NBEAL1: variants seen among roughly 807,000 people sequenced by gnomAD.
The protein encoded by NBEAL1 is neurobeachin like 1.
NBEAL1 carries 273 observed loss-of-function variants against 351.3 expected under a neutral mutation model. The observed-to-expected ratio is 0.78, with a 90% CI of 0.70 to 0.86. The LOEUF (loss-of-function observed/expected upper bound fraction) is 0.86, where lower values mean the gene tolerates loss of function less well. NBEAL1 is among the 40% of genes least tolerant of loss of function. The pLI is 0.00. For synonymous variants in NBEAL1, 1,050 were observed against 1,086.4 expected (o/e 0.97, Z 0.66); for missense variants, 2,961 against 3,201.3 (o/e 0.92, Z 1.81).
Position 203,113,019 on chromosome 2 carries a change from T to G in NBEAL1, c.2207T>G (p.Phe736Cys). The G allele has an allele frequency of 6.8e-7, 1 of 1,459,896 alleles. No homozygotes were observed. The highest frequency in any genetic ancestry group is 2.6e-5 in the East Asian group (1 of 38,532). 90.4% of individuals were successfully genotyped at this position (1,459,896 alleles called of 1,614,324 possible). ...PLRFPAMNEPFTSCCIGSAGQ... is the reference protein window; with the variant it reads ...PLRFPAMNEPCTSCCIGSAGQ... The stretch of plus-strand genomic sequence containing the variant: ...AATTTGTTTGTTTGTTTTTAGCCCT[T>G]TACTTCCTGTTGCATTGGTTCAGCT... Residue 736 changes from phenylalanine to cysteine, a missense_variant, in exon 17 of 56, where the codon TTT (phenylalanine) becomes TGT (cysteine). Physicochemically the swap from Phe to Cys is radical, Grantham distance 205 (BLOSUM62 -2). Transcript: ENST00000683969.
Position 203,136,031 on chromosome 2 carries a change from G to C in NBEAL1, c.4168G>C (p.Glu1390Gln). 7 of 1,613,598 alleles carry C rather than the reference G, an allele frequency of 4.3e-6. No homozygotes were observed. The highest frequency in any genetic ancestry group is 5.9e-6 in the Non-Finnish European group (7 of 1,179,786). The change falls in exon 28 of 56, where the codon GAG becomes CAG. Residue 1390 changes from glutamate to glutamine, a missense_variant. By Grantham distance (29) the Glu-to-Gln change is conservative (BLOSUM62 2). Transcript: ENST00000683969. ...ATTGTCTTTCAAATCAGAGAATCAA[G>C]AGGAATTCTGGCATAGTAACCCTTC... is the stretch of plus-strand genomic sequence containing the variant. ...GELSFKSENQ[E>Q]EFWHSNPSHL... is the part of the protein sequence containing the mutation.
Position 203,160,038 on chromosome 2 carries a change from A to G in NBEAL1, c.5714+2213A>G, listed in dbSNP as rs190658311. 7.4e-3 allele frequency among the ~76,000 whole-genome samples: 1,085 copies of G among 145,928 alleles called. 12 individuals are homozygous for G. The highest frequency in any genetic ancestry group is 0.012 in the Non-Finnish European group (801 of 67,022). ...GCTTGTTTGCCATTAATATATATCT[A>G]CTTTGGAGACTATATATGCAAATCA... is the stretch of plus-strand genomic sequence containing the variant. On this transcript the variant is annotated intron_variant, in intron 36 of 55. Transcript: ENST00000683969.
At chr2:203,138,410 T>A in intron 30 of NBEAL1, 95 bp downstream of exon 30, 1 of 1,186,254 alleles carries the variant, frequency 8.4e-7, no homozygotes, top group Non-Finnish European at 1.2e-6. Context: ...CGTTAATGCT[T>A]AATCAGATTC....
At chr2:203,063,659 A>C (rs1458055733) in intron 6 of NBEAL1, among the ~76,000 whole-genome samples, 2 of 152,204 alleles carry the variant, frequency 1.3e-5, no homozygotes, top group Non-Finnish European at 2.9e-5. Context: ...ATACTTATTG[A>C]GTTTCTACTT....
intron 46 of NBEAL1, 146 bp downstream of exon 46, chr2:203,190,535 T>A: frequency 1.4e-6 from 1 of 736,096 alleles, no homozygotes; most frequent in Admixed American, 2.8e-5. Flanking sequence ...AGTCTTATAT[T>A]ATTTCCAAGA....
chr2:203,180,384 T>G lies in NBEAL1; in HGVS notation c.6467T>G (p.Phe2156Cys), dbSNP rs2064670620. Reference protein sequence around the residue: ...TLHIQLQSGRFDCADRQFHSI... With the variant: ...TLHIQLQSGRCDCADRQFHSI... ...TCTCTTTTAATTTCTACATGCAGGT[T>G]TGACTGTGCAGATCGACAGTTCCAT... Residue 2156 changes from phenylalanine (F) to cysteine (C), a missense_variant and splice_region_variant, in exon 43 of 56, where the codon TTT becomes TGT. Coordinates refer to ENST00000683969, the MANE Select transcript of NBEAL1 (RefSeq NM_001378026.1). 1 of 1,605,418 alleles carries G rather than the reference T, an allele frequency of 6.2e-7. No homozygotes were observed. Among genetic ancestry groups the G allele is most frequent in the African/African-American group, 1.3e-5 (1 of 74,558 alleles).
intron 31 of NBEAL1, among the ~76,000 whole-genome samples, chr2:203,143,626 G>C (rs543517991): frequency 2.6e-5 from 4 of 152,134 alleles, no homozygotes; most frequent in African/African-American, 9.7e-5. Flanking sequence ...ATAGCAATTA[G>C]GGCTGTATGC....
intron 4 of NBEAL1, among the ~76,000 whole-genome samples, chr2:203,053,243 A>T (rs2061351362): frequency 6.6e-6 from 1 of 152,150 alleles, no homozygotes; most frequent in African/African-American, 2.4e-5. Context: ...ATACTGGATT[A>T]TACTATTCTT....
chr2:203,039,113 A>G (rs2061086651), intron 2 of NBEAL1, among the ~76,000 whole-genome samples: 1 of 147,980 alleles, frequency 6.8e-6, no homozygotes, highest in Non-Finnish European at 1.5e-5. Context: ...CCAGGTAGAA[A>G]AGTGATTCAG....
At chr2:203,044,229 T>G (rs2061190938) in intron 3 of NBEAL1, among the ~76,000 whole-genome samples, 3 of 152,244 alleles carry the variant, frequency 2.0e-5, no homozygotes, top group South Asian at 4.1e-4. Flanking sequence ...CTCATTAGAC[T>G]ATTATTCATG....
intron 33 of NBEAL1, among the ~76,000 whole-genome samples, 171 bp downstream of exon 33, chr2:203,145,331 A>G (rs1036911232): frequency 6.6e-6 from 1 of 152,212 alleles, no homozygotes; most frequent in Non-Finnish European, 1.5e-5. Context: ...AGATCAATTA[A>G]TAGTAAAATG....
At chr2:203,209,019 C>T in intron 52 of NBEAL1, 142 bp from the exon 53 acceptor site, 1 of 668,566 alleles carries the variant, frequency 1.5e-6, no homozygotes, top group Non-Finnish European at 2.4e-6. Flanking sequence ...TGGAATTTTT[C>T]CTAAGGTGCA....
chr2:203,045,417 A>G (rs769571817), intron 3 of NBEAL1, among the ~76,000 whole-genome samples: 6 of 152,168 alleles, frequency 3.9e-5, no homozygotes, highest in South Asian at 2.1e-4. Context: ...AAATATGTAT[A>G]TATGTATGTT....
At chr2:203,090,670 C>G (rs1453471627) in intron 10 of NBEAL1, among the ~76,000 whole-genome samples, 1 of 152,136 alleles carries the variant, frequency 6.6e-6, no homozygotes, top group African/African-American at 2.4e-5. Flanking sequence ...GGGCAGATCA[C>G]TTGAGTTCAG....
At chr2:203,110,082 A>C (rs1330750619) in intron 14 of NBEAL1, 68 bp from the exon 15 acceptor site, 3 of 1,404,874 alleles carry the variant, frequency 2.1e-6, no homozygotes, top group Non-Finnish European at 2.9e-6. Context: ...TTATGGTTTT[A>C]TGTACTTTAA....
intron 51 of NBEAL1, among the ~76,000 whole-genome samples, chr2:203,204,223 G>A (rs368765410): frequency 2.7e-5 from 4 of 147,946 alleles, no homozygotes; most frequent in African/African-American, 5.0e-5. Context: ...CACCGCACCC[G>A]GCCCCATACC....
chr2:203,166,953 A>G (rs766977238), intron 37 of NBEAL1, among the ~76,000 whole-genome samples: 41 of 152,130 alleles, frequency 2.7e-4, no homozygotes, highest in Non-Finnish European at 5.9e-4. Context: ...GAATAAATCT[A>G]AGATGCCAGC....
intron 41 of NBEAL1, among the ~76,000 whole-genome samples, chr2:203,173,339 A>G (rs566097368): frequency 1.3e-5 from 2 of 152,268 alleles, no homozygotes; most frequent in South Asian, 2.1e-4. Context: ...AGTTCTGTTT[A>G]TGATCTACCC....
rs1559406250 is a variant in NBEAL1, at chr2:203,148,974, T to C, written c.5305-17T>C. On this transcript the variant is annotated splice_polypyrimidine_tract_variant and intron_variant, in intron 33 of 55. Coordinates refer to ENST00000683969, the MANE Select transcript of NBEAL1 (RefSeq NM_001378026.1). ...AATATATGAGTCAATGACCTTACTT[T>C]TTATTGTTTCTTTCAGGAGCTGTTT... is the stretch of plus-strand genomic sequence containing the variant. 1 of 1,597,420 alleles carries C rather than the reference T, an allele frequency of 6.3e-7. No homozygotes were observed. Among genetic ancestry groups the C allele is most frequent in the Admixed American group, 1.7e-5 (1 of 57,328 alleles).
Sources: gnomAD v4.1 joint callset for allele counts (sites outside exome capture counted in the v4.1 genomes callset) on GRCh38, gnomAD v4.1.1 for gene constraint, MANE v1.5 for transcripts, NCBI Gene and HGNC (gene_info 2026-07-23, HGNC 2026-07-21) for gene names.